IL1RAPL2: variants seen among roughly 807,000 people sequenced by gnomAD.
IL1RAPL2 encodes the protein X-linked interleukin-1 receptor accessory protein-like 2.
IL1RAPL2 carries 3 observed loss-of-function variants against 44.1 expected under a neutral mutation model. The observed-to-expected ratio is 0.07, with a 90% confidence interval of 0.03 to 0.18. The LOEUF (loss-of-function observed/expected upper bound fraction) is 0.18. Among genes scored for constraint, IL1RAPL2 ranks in the 10% least tolerant of loss-of-function variants. The pLI is 1.00. For missense variants in IL1RAPL2, 391 were observed against 496.4 expected, an observed-to-expected ratio of 0.79 and a Z score of 2.02; for synonymous variants, 181 against 178.8, an observed-to-expected ratio of 1.01 and a Z score of -0.10.
At chrX:105,723,362 C>CATGTACCACTTAAGTAGAGGAA (rs2038322435) in intron 7 of IL1RAPL2, among the ~76,000 whole-genome samples, 1 of 111,455 alleles carries the variant, frequency 9.0e-6, no homozygotes, top group Non-Finnish European at 1.9e-5. Flanking sequence ...CTTAAGTAAT[C>CATGTACCACTTAAGTAGAGGAA]GCTGAGAAGA....
intron 2 of IL1RAPL2, among the ~76,000 whole-genome samples, chrX:104,962,300 G>T (rs2030023761): frequency 8.9e-6 from 1 of 112,215 alleles, no homozygotes; most frequent in African/African-American, 3.2e-5. Flanking sequence ...CAAAGGAAAG[G>T]TTATTAATAC....
At chrX:104,664,547 C>T (rs1423956614) in intron 2 of IL1RAPL2, among the ~76,000 whole-genome samples, 1 of 111,291 alleles carries the variant, frequency 9.0e-6, no homozygotes, top group African/African-American at 3.3e-5. Context: ...AATATTATTG[C>T]TTTACACATT....
At chrX:105,328,819 A>G (rs1226229761) in intron 5 of IL1RAPL2, among the ~76,000 whole-genome samples, 2 of 112,371 alleles carry the variant, frequency 1.8e-5, no homozygotes, top group East Asian at 5.6e-4. Context: ...TATTCAACAT[A>G]GTAACATGCT....
At chrX:104,859,471 G>A (rs1278760818) in intron 2 of IL1RAPL2, among the ~76,000 whole-genome samples, 2 of 111,503 alleles carry the variant, frequency 1.8e-5, no homozygotes, top group Non-Finnish European at 3.8e-5. Context: ...GAGTCTCACA[G>A]TCTCCTCATC....
intron 9 of IL1RAPL2, among the ~76,000 whole-genome samples, chrX:105,752,288 G>GTT (rs1427777172): frequency 1.8e-5 from 2 of 112,390 alleles, no homozygotes; most frequent in Non-Finnish European, 3.8e-5. Context: ...GAAACTAGGA[G>GTT]TTTAGCACTC....
intron 2 of IL1RAPL2, among the ~76,000 whole-genome samples, chrX:105,058,857 G>A (rs113019990): frequency 0.065 from 7,276 of 111,467 alleles, 656 homozygotes; most frequent in African/African-American, 0.23. Context: ...CATGATGGAA[G>A]CCAAATATAT....
intron 3 of IL1RAPL2, among the ~76,000 whole-genome samples, chrX:105,213,569 G>T (rs1444536309): frequency 9.0e-6 from 1 of 111,191 alleles, no homozygotes; most frequent in East Asian, 2.9e-4. Context: ...ACATTATCCA[G>T]GAGAACTTCC....
At chrX:105,762,153 C>T (rs760616613) in intron 10 of IL1RAPL2, among the ~76,000 whole-genome samples, 22 of 111,957 alleles carry the variant, frequency 2.0e-4, no homozygotes, top group Non-Finnish European at 3.6e-4. Context: ...CTTTTTCCTT[C>T]GTTAATGAAT....
intron 2 of IL1RAPL2, among the ~76,000 whole-genome samples, chrX:105,138,773 C>A (rs2033100367): frequency 9.0e-6 from 1 of 111,163 alleles, no homozygotes; most frequent in Non-Finnish European, 1.9e-5. Context: ...TTGTAACTTG[C>A]AGAAAGTCAG....
chrX:105,546,907 A>T (rs2036806069), intron 6 of IL1RAPL2, among the ~76,000 whole-genome samples: 1 of 112,344 alleles, frequency 8.9e-6, no homozygotes, highest in African/African-American at 3.2e-5. Context: ...GTATGGTCCT[A>T]AAATGGCTTT....
Position 104,787,603 on chromosome X carries a change from T to C in IL1RAPL2, c.82+128608T>C, listed in dbSNP as rs142337806. Among the ~76,000 whole-genome samples the C allele has an allele frequency of 6.1e-3, 685 of 111,532 alleles. 7 individuals are homozygous for C. The highest frequency in any genetic ancestry group is 0.021 in the African/African-American group (642 of 30,658). On this transcript the variant is annotated intron_variant, in intron 2 of 10. Transcript: ENST00000372582. ...AGATTTACATTTCAGATTTAAAAGA[T>C]TGAACAATTCCTGATGATTCTGTGG...
chrX:105,399,567 C>T (rs1254995974), intron 5 of IL1RAPL2, among the ~76,000 whole-genome samples: 1 of 110,988 alleles, frequency 9.0e-6, no homozygotes, highest in East Asian at 2.8e-4. Context: ...ATCTCCTGTA[C>T]CTGACACAAA....
chrX:105,534,257 A>G (rs1310368238), intron 6 of IL1RAPL2, among the ~76,000 whole-genome samples: 2 of 112,028 alleles, frequency 1.8e-5, no homozygotes, highest in African/African-American at 6.5e-5. Flanking sequence ...TAAACTTACA[A>G]TTTAAAAATT....
intron 6 of IL1RAPL2, among the ~76,000 whole-genome samples, chrX:105,489,923 G>A (rs936823404): frequency 3.7e-5 from 4 of 108,186 alleles, no homozygotes; most frequent in South Asian, 4.1e-4. Context: ...CGCCTCCCGG[G>A]TTCAAGTGAT....
intron 3 of IL1RAPL2, chrX:105,219,871 C>G: frequency 9.3e-7 from 1 of 1,076,353 alleles, no homozygotes; most frequent in Non-Finnish European, 1.2e-6. Flanking sequence ...AGCCATGGAG[C>G]AGGGTGGAGA....
At chrX:105,191,308 C>G (rs1556137003) in intron 2 of IL1RAPL2, among the ~76,000 whole-genome samples, 1 of 112,577 alleles carries the variant, frequency 8.9e-6, no homozygotes, top group Non-Finnish European at 1.9e-5. Flanking sequence ...CTCCGCCTCC[C>G]AGGTTCAAGT....
In IL1RAPL2 at chrX:104,653,656, G is replaced by T. The variant is rs1158160869; in HGVS notation, c.-19-5239G>T. Among the ~76,000 whole-genome samples, 5 of 111,165 alleles carry T rather than the reference G, an allele frequency of 4.5e-5. No homozygotes were observed. The East Asian group carries it at 1.4e-3, about 31-fold the overall frequency. On this transcript the variant is annotated intron_variant, in intron 1 of 10. Transcript: ENST00000372582. ...CAAACTGGAAGTTTTCTGAATTTAGGATATCAGGTAGATCTTTGAGGTCAA... is the reference window on the plus strand; with the variant it reads ...CAAACTGGAAGTTTTCTGAATTTAGTATATCAGGTAGATCTTTGAGGTCAA...
intron 2 of IL1RAPL2, among the ~76,000 whole-genome samples, chrX:105,148,060 G>A (rs1466372205): frequency 9.0e-6 from 1 of 111,039 alleles, no homozygotes; most frequent in Non-Finnish European, 1.9e-5. Flanking sequence ...GAGCATTATT[G>A]GTACACAAGC....
intron 2 of IL1RAPL2, among the ~76,000 whole-genome samples, chrX:104,662,415 C>G (rs1412925899): frequency 8.9e-6 from 1 of 111,894 alleles, no homozygotes; most frequent in Non-Finnish European, 1.9e-5. Context: ...CTTCACATAA[C>G]ACTCCTTCAG....
Sources: gnomAD v4.1 joint callset for allele counts (sites outside exome capture counted in the v4.1 genomes callset) on GRCh38, gnomAD v4.1.1 for gene constraint, MANE v1.5 for transcripts, NCBI Gene and HGNC (gene_info 2026-07-23, HGNC 2026-07-21) for gene names.